Variants in DOK6 observed in about 807,000 individuals in gnomAD.
DOK6 encodes docking protein 6.
DOK6 carries 22 observed loss-of-function variants against 44.0 expected under a neutral mutation model. The observed-to-expected ratio is 0.50, with a 90% CI of 0.36 to 0.71. The LOEUF is 0.71. DOK6 is among the 30% of genes least tolerant of loss of function. The pLI, the probability that DOK6 is intolerant of heterozygous loss-of-function variation, is 0.00. For missense variants in DOK6, 340 were observed against 416.4 expected (o/e 0.82, Z 1.60); for synonymous variants, 166 against 145.5 (o/e 1.14, Z -1.01).
chr18:69,530,595 A>AT (rs1981958194), intron 1 of DOK6, among the ~76,000 whole-genome samples: 1 of 152,182 alleles, frequency 6.6e-6, no homozygotes, highest in African/African-American at 2.4e-5. Context: ...TGAAAAAAAA[A>AT]TGACTGGATT....
chr18:69,835,979 C>T (rs1190125125), intron 7 of DOK6, among the ~76,000 whole-genome samples: 1 of 152,086 alleles, frequency 6.6e-6, no homozygotes, highest in Non-Finnish European at 1.5e-5. Context: ...AGAATAAAAT[C>T]AGTGTTATTA....
chr18:69,527,399 A>G (rs948040798), intron 1 of DOK6, among the ~76,000 whole-genome samples: 2 of 152,340 alleles, frequency 1.3e-5, no homozygotes, highest in East Asian at 1.9e-4. Context: ...TTCTTTTCAC[A>G]TGGCAGCAGG....
intron 1 of DOK6, among the ~76,000 whole-genome samples, chr18:69,467,879 A>G (rs941565666): frequency 6.6e-6 from 1 of 152,166 alleles, no homozygotes; most frequent in Non-Finnish European, 1.5e-5. Context: ...GTGACAGACA[A>G]CACAGTTTCC....
intron 4 of DOK6, 48 bp from the exon 5 acceptor site, chr18:69,698,356 C>G (rs940741586): frequency 1.3e-6 from 2 of 1,537,022 alleles, no homozygotes; most frequent in African/African-American, 2.7e-5. Flanking sequence ...GCCATAGACA[C>G]TCACACCTCT....
At chr18:69,675,649 A>G (rs1985904184) in intron 3 of DOK6, among the ~76,000 whole-genome samples, 1 of 152,166 alleles carries the variant, frequency 6.6e-6, no homozygotes. Context: ...CATGTACCCT[A>G]AAACTTAAAG....
chr18:69,605,029 C>CA (rs1192167875), intron 3 of DOK6, among the ~76,000 whole-genome samples: 1 of 149,182 alleles, frequency 6.7e-6, no homozygotes, highest in African/African-American at 2.5e-5. Context: ...TAGAAAATTT[C>CA]AAAAAATCCT....
intron 1 of DOK6, among the ~76,000 whole-genome samples, chr18:69,543,091 C>T (rs1333950550): frequency 6.6e-6 from 1 of 151,364 alleles, no homozygotes; most frequent in Non-Finnish European, 1.5e-5. Context: ...CAAGCAGACC[C>T]CGTAATGGCC....
At chr18:69,659,475 T>A (rs1213625186) in intron 3 of DOK6, among the ~76,000 whole-genome samples, 2 of 152,212 alleles carry the variant, frequency 1.3e-5, no homozygotes, top group African/African-American at 4.8e-5. Context: ...TGTTTGTATT[T>A]AGGAATTAAT....
intron 7 of DOK6, among the ~76,000 whole-genome samples, chr18:69,791,754 G>T (rs929609077): frequency 4.5e-5 from 6 of 134,644 alleles, no homozygotes; most frequent in African/African-American, 1.7e-4. Context: ...TTTTTAACTT[G>T]ATGTGATCCC....
At chr18:69,749,808 G>A (rs1009606651) in intron 6 of DOK6, among the ~76,000 whole-genome samples, 5 of 151,806 alleles carry the variant, frequency 3.3e-5, no homozygotes, top group African/African-American at 9.7e-5. Flanking sequence ...TGGGCGTGAT[G>A]GTGCGCACCT....
intron 7 of DOK6, among the ~76,000 whole-genome samples, chr18:69,765,351 C>G (rs988236603): frequency 6.6e-6 from 1 of 152,122 alleles, no homozygotes; most frequent in Non-Finnish European, 1.5e-5. Context: ...TCTATTAAAC[C>G]TTATTTATAA....
intron 2 of DOK6, among the ~76,000 whole-genome samples, chr18:69,577,375 C>T (rs1983263416): frequency 6.6e-6 from 1 of 152,044 alleles, no homozygotes; most frequent in African/African-American, 2.4e-5. Context: ...CTGGAAGTTC[C>T]CAAAGTGATC....
At chr18:69,469,785 C>T (rs992487833) in intron 1 of DOK6, 5 of 234,988 alleles carry the variant, frequency 2.1e-5, no homozygotes, top group Admixed American at 2.0e-4. Flanking sequence ...GAGCCAGAGG[C>T]GGATGGAGCG....
intron 3 of DOK6, among the ~76,000 whole-genome samples, chr18:69,646,193 T>A (rs1041984708): frequency 9.9e-5 from 15 of 152,202 alleles, no homozygotes; most frequent in African/African-American, 3.6e-4. Context: ...TTGTTTTAAA[T>A]ATTAGTCTTG....
intron 1 of DOK6, among the ~76,000 whole-genome samples, chr18:69,429,642 TA>T (rs1371286741): frequency 4.9e-5 from 3 of 61,232 alleles, no homozygotes; most frequent in African/African-American, 2.0e-4. Flanking sequence ...TATATATATA[TA>T]TATATATATA....
Position 69,840,779 on chromosome 18 carries a change from A to C in DOK6, c.857-465A>C, listed in dbSNP as rs112502253. ...TAATTCATGGTTACTGGTTAGGGTA[A>C]AGCACAGCTTGCCTGTTCCCAGAGA... is the stretch of plus-strand genomic sequence containing the variant. On this transcript the variant is annotated intron_variant, in intron 7 of 7. Transcript: ENST00000382713. Among the ~76,000 whole-genome samples the C allele has an allele frequency of 3.8e-3, 578 of 152,336 alleles. 5 individuals carry two copies. Among genetic ancestry groups the C allele is most frequent in the Middle Eastern group, 0.014 (4 of 294 alleles).
At chr18:69,640,769 C>T (rs1347883316) in intron 3 of DOK6, among the ~76,000 whole-genome samples, 1 of 152,138 alleles carries the variant, frequency 6.6e-6, no homozygotes, top group Non-Finnish European at 1.5e-5. Context: ...AACTATTTAG[C>T]AATCTGATCT....
chr18:69,737,630 T>C (rs976167882), intron 5 of DOK6, among the ~76,000 whole-genome samples: 2 of 152,206 alleles, frequency 1.3e-5, no homozygotes, highest in Non-Finnish European at 2.9e-5. Context: ...ATCTTCTACC[T>C]AAAGTTTCTT....
intron 7 of DOK6, among the ~76,000 whole-genome samples, chr18:69,764,460 G>C (rs574220576): frequency 6.6e-6 from 1 of 152,278 alleles, no homozygotes; most frequent in African/African-American, 2.4e-5. Flanking sequence ...GTTCCTCCAT[G>C]CTCTCCTTGT....
Sources: allele counts gnomAD v4.1 joint callset (sites outside exome capture counted in the v4.1 genomes callset), GRCh38; gene constraint gnomAD v4.1.1; transcripts MANE v1.5; gene names NCBI Gene and HGNC (gene_info 2026-07-23, HGNC 2026-07-21).